The following ZNF480 variants were observed in gnomAD, a reference collection of about 807,000 sequenced individuals.
ZNF480 encodes zinc finger protein 480.
ZNF480 carries 15 observed loss-of-function variants against 14.4 expected under a neutral mutation model. The observed-to-expected ratio is 1.04, with a 90% CI of 0.70 to 1.60. The LOEUF is 1.60. Among genes scored for constraint, ZNF480 ranks in the 40% most tolerant of loss-of-function variants. The probability of loss-of-function intolerance (pLI) is 0.00; values close to 1 mark genes in which losing one functional copy is unlikely to be tolerated. For synonymous variants in ZNF480, 218 were observed against 215.5 expected (o/e 1.01, Z -0.10); for missense variants, 593 against 629.7 (o/e 0.94, Z 0.62).
At chr19:52,307,715 C>A (rs1333983790) in intron 2 of ZNF480, among the ~76,000 whole-genome samples, 2 of 152,158 alleles carry the variant, frequency 1.3e-5, no homozygotes, top group Non-Finnish European at 2.9e-5. Flanking sequence ...GCATTCCTTA[C>A]AGGAAACAAA....
At chr19:52,310,663 TTTTA>T (rs1302500042) in intron 2 of ZNF480, among the ~76,000 whole-genome samples, 2 of 152,080 alleles carry the variant, frequency 1.3e-5, no homozygotes, top group South Asian at 2.1e-4. Flanking sequence ...TGTTTTCAAA[TTTTA>T]TTTTTGTCCT....
At position 52,298,635 on chromosome 19, in the gene ZNF480, G is replaced by GA. The variant is rs753452587; in HGVS notation, c.-20+1426dup. The stretch of plus-strand genomic sequence containing the variant: ...GACAAGAGCAAAACTCCGTCTCAGG[G>GA]AAAAAAAAAAAAAAGAGACAAATAG... On this transcript the variant is annotated intron_variant, in intron 1 of 4. Coordinates refer to ENST00000595962, the MANE Select transcript of ZNF480 (RefSeq NM_144684.4). Among the ~76,000 whole-genome samples, 736 of 136,708 alleles carry GA rather than the reference G, an allele frequency of 5.4e-3. 3 individuals carry two copies. The highest frequency in any genetic ancestry group is 1.0e-2 in the African/African-American group (373 of 37,308). The allele number at this position is 136,708 out of a possible 152,430, so 89.7% of individuals were successfully genotyped here. A position where few individuals can be genotyped will look rare whatever the true frequency, so the allele number is the denominator to read the frequency against.
Position 52,324,593 on chromosome 19 carries a change from C to G in ZNF480, c.*1735C>G, listed in dbSNP as rs992825761. On this transcript the variant is annotated 3_prime_UTR_variant, in exon 5 of 5. Transcript: ENST00000595962. The stretch of plus-strand genomic sequence containing the variant: ...CATGGTACTGGTATAAAAAAAGACA[C>G]ATAGATCAATGGAATAGGTAAGAGA... 2 of 152,084 alleles carry G rather than the reference C, an allele frequency of 1.3e-5. No homozygotes were observed. The highest frequency in any genetic ancestry group is 2.9e-5 in the Non-Finnish European group (2 of 68,006). 9.4% of individuals were successfully genotyped at this position (152,084 alleles called of 1,614,324 possible). A position where few individuals can be genotyped will look rare whatever the true frequency, so the allele number is the denominator to read the frequency against.
intron 2 of ZNF480, among the ~76,000 whole-genome samples, chr19:52,305,025 G>A (rs913735801): frequency 1.3e-5 from 2 of 152,036 alleles, no homozygotes; most frequent in Non-Finnish European, 2.9e-5. Flanking sequence ...CGTGAACCTG[G>A]GAGGCAGAGC....
At chr19:52,311,004 C>CAAAAAA (rs972255252) in intron 2 of ZNF480, among the ~76,000 whole-genome samples, 1 of 59,890 alleles carries the variant, frequency 1.7e-5, no homozygotes, top group Non-Finnish European at 3.5e-5. Context: ...GATTCCGCCT[C>CAAAAAA]AAAAAAAAAA....
chr19:52,318,108 AT>A (rs1983641815), intron 4 of ZNF480, among the ~76,000 whole-genome samples: 1 of 150,366 alleles, frequency 6.7e-6, no homozygotes. Flanking sequence ...ATTTTAAATA[AT>A]TATTTATTTA....
intron 2 of ZNF480, among the ~76,000 whole-genome samples, chr19:52,308,197 C>A (rs956102153): frequency 6.6e-6 from 1 of 151,928 alleles, no homozygotes; most frequent in Non-Finnish European, 1.5e-5. Flanking sequence ...ACCGTCACCT[C>A]TCTGTAGACC....
chr19:52,312,149 A>ATTTTTTTTTTTTTTTTT (rs10712920), intron 2 of ZNF480, among the ~76,000 whole-genome samples: 1 of 140,536 alleles, frequency 7.1e-6, no homozygotes. Flanking sequence ...CTCATATATA[A>ATTTTTTTTTTTTTTTTT]TTTTTTTTTT....
intron 2 of ZNF480, among the ~76,000 whole-genome samples, chr19:52,312,807 A>G (rs1253700265): frequency 1.4e-5 from 2 of 144,380 alleles, no homozygotes; most frequent in African/African-American, 5.2e-5. Context: ...TGCTATTGTT[A>G]TCATCCCAGT....
At chr19:52,310,300 G>A (rs140697926) in intron 2 of ZNF480, among the ~76,000 whole-genome samples, 1,967 of 152,142 alleles carry the variant, frequency 0.013, 17 homozygotes, top group Middle Eastern at 0.058. Context: ...CAAGTGATCC[G>A]CCTGCGTTGG....
intron 2 of ZNF480, 96 bp downstream of exon 2, chr19:52,300,580 C>T: frequency 6.3e-7 from 1 of 1,585,672 alleles, no homozygotes; most frequent in Non-Finnish European, 8.6e-7. Context: ...AAGTGTCCTG[C>T]CTGACAGGTT....
intron 1 of ZNF480, among the ~76,000 whole-genome samples, 163 bp from the exon 2 acceptor site, chr19:52,300,231 G>T (rs893858149): frequency 6.6e-6 from 1 of 152,210 alleles, no homozygotes; most frequent in African/African-American, 2.4e-5. Flanking sequence ...AAACTCACTT[G>T]TTGTTCTTCC....
At chr19:52,311,500 G>A (rs747309550) in intron 2 of ZNF480, among the ~76,000 whole-genome samples, 2 of 151,994 alleles carry the variant, frequency 1.3e-5, no homozygotes, top group South Asian at 2.1e-4. Context: ...TTGAATCTGG[G>A]TATTTAATAG....
chr19:52,321,793 G>C lies in ZNF480; in HGVS notation c.543G>C (p.Arg181Ser), dbSNP rs1175427767. Residue 181 changes from arginine to serine, a missense_variant, in exon 5 of 5, where the codon AGG becomes AGC. Transcript: ENST00000595962. ...SSSVKTPIFNRNDFDDSSFLP... is the reference protein window; with the variant it reads ...SSSVKTPIFNSNDFDDSSFLP... ...GTGTCAAAACCCCCATTTTTAATAG[G>C]AATGATTTTGATGATTCTTCATTTC... is the stretch of plus-strand genomic sequence containing the variant. 1 of 1,613,636 alleles carries C rather than the reference G, an allele frequency of 6.2e-7. No homozygotes were observed. The highest frequency in any genetic ancestry group is 8.5e-7 in the Non-Finnish European group (1 of 1,179,788).
chr19:52,298,764 G>A (rs1203763485), intron 1 of ZNF480, among the ~76,000 whole-genome samples: 1 of 152,002 alleles, frequency 6.6e-6, no homozygotes, highest in Admixed American at 6.6e-5. Context: ...ATAGAAGGAA[G>A]AAGGGGAGAA....
intron 4 of ZNF480, among the ~76,000 whole-genome samples, chr19:52,316,194 C>CTCTTTCTTTCTTTCTTTCTT (rs56388324): frequency 0.012 from 1,704 of 142,778 alleles, 21 homozygotes; most frequent in Non-Finnish European, 0.014. Context: ...CTCTCTCTTT[C>CTCTTTCTTTCTTTCTTTCTT]TCTTTCTTTC....
intron 1 of ZNF480, among the ~76,000 whole-genome samples, chr19:52,298,654 C>T (rs535464812): frequency 1.1e-3 from 157 of 148,034 alleles, no homozygotes; most frequent in African/African-American, 3.6e-3. Flanking sequence ...AAAAAAGAGA[C>T]AAATAGGTGG....
At position 52,325,048 on chromosome 19, in the gene ZNF480, GAACTC is replaced by G. The variant is rs1984028457; in HGVS notation, c.*2193_*2197del. Reference sequence around the variant, plus strand: ...AAAGATCTAATCCAGAATCTATAAAGAACTCAAACAAATCAACAATGAGAAAAACA... The same window carrying G: ...AAAGATCTAATCCAGAATCTATAAAGAAACAAATCAACAATGAGAAAAACA... On this transcript the variant is annotated 3_prime_UTR_variant, in exon 5 of 5. Transcript: ENST00000595962. 6.6e-6 allele frequency: 1 copy of G among 152,062 alleles called. No homozygotes were observed. The highest frequency in any genetic ancestry group is 1.5e-5 in the Non-Finnish European group (1 of 68,004). The allele number at this position is 152,062 out of a possible 1,614,324, so 9.4% of individuals were successfully genotyped here.
chr19:52,316,270 G>A (rs1437358174), intron 4 of ZNF480, among the ~76,000 whole-genome samples: 6 of 140,770 alleles, frequency 4.3e-5, no homozygotes, highest in African/African-American at 1.3e-4. Context: ...TCTATTGCCC[G>A]GGCTGAAGTG....
Sources: allele counts gnomAD v4.1 joint callset (sites outside exome capture counted in the v4.1 genomes callset), GRCh38; gene constraint gnomAD v4.1.1; transcripts MANE v1.5; gene names NCBI Gene and HGNC (gene_info 2026-07-23, HGNC 2026-07-21).